The following PRR5L variants were observed in gnomAD, a reference collection of about 807,000 sequenced individuals.
PRR5L encodes proline rich 5 like, also known as proline-rich protein 5-like.
A neutral mutation model predicts 36.4 loss-of-function variants in PRR5L; 21 were observed. That is an observed-to-expected ratio of 0.58 (90% CI 0.41 to 0.83). The LOEUF is 0.83. Among genes scored for constraint, PRR5L ranks in the 40% least tolerant of loss-of-function variants. The probability of loss-of-function intolerance (pLI) is 0.00; values close to 1 mark genes in which losing one functional copy is unlikely to be tolerated. For missense variants in PRR5L, 381 were observed against 473.3 expected, an observed-to-expected ratio of 0.80 and a Z score of 1.81; for synonymous variants, 188 against 197.0, an observed-to-expected ratio of 0.95 and a Z score of 0.38.
chr11:36,321,150 C>T (rs1378409420), intron 1 of PRR5L: 1 of 152,194 alleles, frequency 6.6e-6, no homozygotes, highest in Non-Finnish European at 1.5e-5. Flanking sequence ...TCAGTTATAA[C>T]AACAGGCTTA....
intron 1 of PRR5L, among the ~76,000 whole-genome samples, chr11:36,380,290 C>T (rs1250394038): frequency 3.3e-5 from 5 of 152,086 alleles, no homozygotes; most frequent in Non-Finnish European, 2.9e-5. Context: ...TTGGCCTGGG[C>T]GAGGATGGCT....
intron 1 of PRR5L, among the ~76,000 whole-genome samples, chr11:36,322,375 G>A (rs1856621379): frequency 6.6e-6 from 1 of 152,024 alleles, no homozygotes; most frequent in Non-Finnish European, 1.5e-5. Context: ...AATTCTTGGT[G>A]AGCCTCCCAA....
At chr11:36,352,785 C>A (rs1301751113) in intron 1 of PRR5L, among the ~76,000 whole-genome samples, 2 of 151,810 alleles carry the variant, frequency 1.3e-5, no homozygotes, top group East Asian at 3.9e-4. Context: ...AAGAACAAAC[C>A]CTGATACCAG....
intron 4 of PRR5L, among the ~76,000 whole-genome samples, chr11:36,422,799 T>C (rs1230240051): frequency 6.6e-6 from 1 of 152,162 alleles, no homozygotes; most frequent in East Asian, 1.9e-4. Flanking sequence ...CTCTGACATT[T>C]CCAGTATTGA....
At chr11:36,434,667 C>T (rs1355654290) in intron 5 of PRR5L, among the ~76,000 whole-genome samples, 4 of 152,156 alleles carry the variant, frequency 2.6e-5, no homozygotes, top group East Asian at 1.9e-4. Context: ...ATTTATAGGA[C>T]GGTCACCTAG....
chr11:36,333,563 T>C (rs1021379003), intron 1 of PRR5L, among the ~76,000 whole-genome samples: 10 of 152,170 alleles, frequency 6.6e-5, no homozygotes, highest in African/African-American at 2.4e-4. Context: ...GAATGAACTA[T>C]TTATAGAACA....
At chr11:36,425,746 AG>A (rs1423902465) in intron 4 of PRR5L, 1 of 152,078 alleles carries the variant, frequency 6.6e-6, no homozygotes, top group Non-Finnish European at 1.5e-5. Flanking sequence ...TTGTTTATCT[AG>A]GAAGGCATCC....
intron 1 of PRR5L, among the ~76,000 whole-genome samples, chr11:36,312,070 A>G (rs1856509418): frequency 6.6e-6 from 1 of 152,164 alleles, no homozygotes; most frequent in African/African-American, 2.4e-5. Flanking sequence ...AAGAATCACA[A>G]GAAAATACTA....
rs74840832 is a variant in PRR5L, at chr11:36,449,850, T to C, written c.586-1359T>C. Reference sequence around the variant, plus strand: ...GCAACTTTTCTGAGAGAAAACCATCTAGCTCCAAATCACGTGTTCATTATC... The same window carrying C: ...GCAACTTTTCTGAGAGAAAACCATCCAGCTCCAAATCACGTGTTCATTATC... On this transcript the variant is annotated intron_variant, in intron 7 of 8. Coordinates refer to ENST00000530639, the MANE Select transcript of PRR5L (RefSeq NM_001160167.2). 3.7e-3 allele frequency among the ~76,000 whole-genome samples: 562 copies of C among 152,370 alleles called. 11 individuals carry two copies. In the East Asian group the frequency reaches 0.042, roughly 11 times the overall value.
chr11:36,346,969 A>G (rs1369012964), intron 1 of PRR5L, among the ~76,000 whole-genome samples: 2 of 152,242 alleles, frequency 1.3e-5, no homozygotes, highest in South Asian at 2.1e-4. Context: ...CTGTGTTCCA[A>G]TAAAACTTTA....
At chr11:36,351,592 TA>T (rs1856963354) in intron 1 of PRR5L, among the ~76,000 whole-genome samples, 1 of 18,158 alleles carries the variant, frequency 5.5e-5, no homozygotes, top group Non-Finnish European at 9.1e-5. Context: ...TATATTTATA[TA>T]TTTATATAAA....
At chr11:36,453,111 G>A (rs58267739) in intron 8 of PRR5L, among the ~76,000 whole-genome samples, 3,138 of 152,328 alleles carry the variant, frequency 0.021, 125 homozygotes, top group African/African-American at 0.072. Context: ...AGGTTTCTCT[G>A]TTGGCATTGC....
chr11:36,403,479 T>C lies in PRR5L; in HGVS notation c.245+101T>C, dbSNP rs534091473. On this transcript the variant is annotated intron_variant, in intron 3 of 8. Transcript: ENST00000530639. The stretch of plus-strand genomic sequence containing the variant: ...GCCTTAAGGGTTTTTTTTTTTTTTT[T>C]CCTGCTTGATTCTTATTGCTTCTTC... The C allele has an allele frequency of 7.5e-5, 58 of 771,468 alleles. No homozygotes were observed. In the African/African-American group the frequency reaches 7.6e-4, roughly 10 times the overall value. 47.8% of individuals were successfully genotyped at this position (771,468 alleles called of 1,614,324 possible).
chr11:36,367,592 A>T (rs1214841851), intron 1 of PRR5L, among the ~76,000 whole-genome samples: 1 of 152,184 alleles, frequency 6.6e-6, no homozygotes, highest in Non-Finnish European at 1.5e-5. Flanking sequence ...GGTTTGGCTT[A>T]TACTAGAAGG....
chr11:36,412,617 G>C (rs1858049546), intron 3 of PRR5L, among the ~76,000 whole-genome samples: 1 of 152,184 alleles, frequency 6.6e-6, no homozygotes, highest in Non-Finnish European at 1.5e-5. Context: ...TAATTTGGCT[G>C]TCTCTCTCCA....
rs140130845 is a variant in PRR5L, at chr11:36,454,516, T to C, written c.712+3181T>C. On this transcript the variant is annotated intron_variant, in intron 8 of 8. Transcript: ENST00000530639. The stretch of plus-strand genomic sequence containing the variant: ...ACCTATGGGAGGGCTTTGCCGTGGC[T>C]CACTTGGGCCGGAGGATAGGTAGGC... Among the ~76,000 whole-genome samples the C allele has an allele frequency of 9.0e-3, 1,366 of 151,894 alleles. 24 individuals are homozygous for C. Among genetic ancestry groups the C allele is most frequent in the East Asian group, 0.049 (253 of 5,116 alleles).
At chr11:36,404,846 C>T (rs1857876569) in intron 3 of PRR5L, among the ~76,000 whole-genome samples, 1 of 152,136 alleles carries the variant, frequency 6.6e-6, no homozygotes, top group Non-Finnish European at 1.5e-5. Context: ...ATATCTAGCC[C>T]AAGGCCTCAT....
At position 36,296,390 on chromosome 11, in the gene PRR5L, C is replaced by G. The variant is rs1250318317; in HGVS notation, c.-174C>G. 6.6e-6 allele frequency: 1 copy of G among 152,182 alleles called. No homozygotes were observed. Among genetic ancestry groups the G allele is most frequent in the Non-Finnish European group, 1.5e-5 (1 of 68,070 alleles). The allele number at this position is 152,182 out of a possible 1,614,324, so 9.4% of individuals were successfully genotyped here. A position where few individuals can be genotyped will look rare whatever the true frequency, so the allele number is the denominator to read the frequency against. ...GAGGCTGGAAGGCCATGGTCATTCA[C>G]CTCTCCCCAGCAAGGTGGGACCTGC... On this transcript the variant is annotated 5_prime_UTR_variant, in exon 1 of 9. Coordinates refer to ENST00000530639, the MANE Select transcript of PRR5L (RefSeq NM_001160167.2).
chr11:36,453,868 G>A (rs1858993139), intron 8 of PRR5L: 1 of 152,372 alleles, frequency 6.6e-6, no homozygotes, highest in Non-Finnish European at 1.5e-5. Context: ...TAAACAGAGA[G>A]GGATGACTAT....
Sources: allele counts gnomAD v4.1 joint callset (sites outside exome capture counted in the v4.1 genomes callset), GRCh38; gene constraint gnomAD v4.1.1; transcripts MANE v1.5; gene names NCBI Gene and HGNC (gene_info 2026-07-23, HGNC 2026-07-21).